The following CFAP210 variants were observed in gnomAD, a reference collection of about 807,000 sequenced individuals.
CFAP210 encodes the protein cilia- and flagella- associated protein 210.
chr2:169,678,341 C>CAAAAAAAAAAAAA, the CFAP210 span, among the ~76,000 whole-genome samples: 5 of 88,176 alleles, frequency 5.7e-5, no homozygotes, highest in African/African-American at 8.3e-5. Flanking sequence ...AACTCTGTTG[C>CAAAAAAAAAAAAA]AAAAAAAAAA....
the CFAP210 span, chr2:169,645,857 AGCCTT>A: frequency 1.2e-6 from 2 of 1,611,186 alleles, no homozygotes; most frequent in Non-Finnish European, 1.7e-6. Context: ...TGTAAAACCT[AGCCTT>A]CTCTTTGACT....
At chr2:169,656,322 AAGAAGG>A in the CFAP210 span, among the ~76,000 whole-genome samples, 10 of 151,370 alleles carry the variant, frequency 6.6e-5, no homozygotes, top group Non-Finnish European at 1.2e-4. Flanking sequence ...GAGGAAGAAG[AAGAAGG>A]AGGAGAAGGA....
chr2:169,658,216 G>A, the CFAP210 span: 1 of 152,300 alleles, frequency 6.6e-6, no homozygotes, highest in South Asian at 2.1e-4. Flanking sequence ...AGGTCAAAAT[G>A]TAAAATTAAA....
the CFAP210 span, among the ~76,000 whole-genome samples, chr2:169,659,467 CAGAG>C: frequency 2.6e-5 from 4 of 152,102 alleles, no homozygotes; most frequent in Non-Finnish European, 5.9e-5. Context: ...GATGGTAAGA[CAGAG>C]AGAGTGTGAA....
chr2:169,689,737 T>C, the CFAP210 span, among the ~76,000 whole-genome samples: 1 of 152,206 alleles, frequency 6.6e-6, no homozygotes, highest in Non-Finnish European at 1.5e-5. Flanking sequence ...GCTATGGGCT[T>C]TTCATAGGTC....
the CFAP210 span, chr2:169,659,271 A>T: frequency 6.6e-6 from 1 of 152,256 alleles, no homozygotes; most frequent in East Asian, 1.9e-4. Flanking sequence ...GAGTCTTATG[A>T]TACCTACTGT....
the CFAP210 span, among the ~76,000 whole-genome samples, chr2:169,693,788 A>G: frequency 8.5e-5 from 13 of 152,172 alleles, no homozygotes; most frequent in Non-Finnish European, 1.5e-4. Flanking sequence ...GGAAATGGAG[A>G]TATTTCCTTC....
At chr2:169,680,579 A>G in the CFAP210 span, among the ~76,000 whole-genome samples, 1 of 152,282 alleles carries the variant, frequency 6.6e-6, no homozygotes, top group Non-Finnish European at 1.5e-5. Context: ...ACAATGGAAT[A>G]CGATTCAGCA....
chr2:169,673,349 A>G, the CFAP210 span, among the ~76,000 whole-genome samples: 2 of 152,168 alleles, frequency 1.3e-5, no homozygotes. Context: ...AACAAAAGAG[A>G]TTTCTCAAAC....
chr2:169,688,924 A>G, the CFAP210 span, among the ~76,000 whole-genome samples: 1 of 152,198 alleles, frequency 6.6e-6, no homozygotes, highest in Non-Finnish European at 1.5e-5. Context: ...CCGTTTTCAC[A>G]CTGCTGATAA....
At chr2:169,657,743 TAAGA>T in the CFAP210 span, among the ~76,000 whole-genome samples, 2 of 151,240 alleles carry the variant, frequency 1.3e-5, no homozygotes, top group South Asian at 2.1e-4. Context: ...AAAAAAAAAA[TAAGA>T]AAGAAAAGTA....
At chr2:169,655,266 G>T in the CFAP210 span, among the ~76,000 whole-genome samples, 1 of 152,150 alleles carries the variant, frequency 6.6e-6, no homozygotes. Flanking sequence ...CAGAGTAGCT[G>T]GGGCTACAGG....
At chr2:169,679,614 G>T in the CFAP210 span, among the ~76,000 whole-genome samples, 1 of 146,866 alleles carries the variant, frequency 6.8e-6, no homozygotes, top group Admixed American at 7.0e-5. Flanking sequence ...CCTGGAGGTG[G>T]AGCTTGCAGT....
chr2:169,666,167 T>C, the CFAP210 span, among the ~76,000 whole-genome samples: 15 of 152,124 alleles, frequency 9.9e-5, no homozygotes, highest in Non-Finnish European at 2.1e-4. Context: ...TTTCTTTATT[T>C]TGGTGAACAG....
the CFAP210 span, among the ~76,000 whole-genome samples, chr2:169,669,711 C>G: frequency 6.7e-6 from 1 of 150,220 alleles, no homozygotes; most frequent in East Asian, 2.0e-4. Context: ...GGAGGCGGAG[C>G]TTGCAGTGAG....
At chr2:169,653,071 T>G in the CFAP210 span, among the ~76,000 whole-genome samples, 1 of 118,638 alleles carries the variant, frequency 8.4e-6, no homozygotes, top group East Asian at 2.3e-4. Context: ...TATATATGTA[T>G]GTGTGTATAT....
the CFAP210 span, among the ~76,000 whole-genome samples, chr2:169,668,671 AAGAG>A: frequency 6.6e-6 from 1 of 152,176 alleles, no homozygotes; most frequent in Admixed American, 6.5e-5. Flanking sequence ...GGCCCAAGGA[AAGAG>A]AGAGAGATAG....
chr2:169,678,686 A>G, the CFAP210 span, among the ~76,000 whole-genome samples: 13 of 151,912 alleles, frequency 8.6e-5, no homozygotes, highest in African/African-American at 3.1e-4. Flanking sequence ...TTAGCCGGGC[A>G]TGATGGTGCG....
the CFAP210 span, among the ~76,000 whole-genome samples, chr2:169,670,952 T>C: frequency 0.15 from 23,368 of 152,176 alleles, 1,896 homozygotes; most frequent in Non-Finnish European, 0.18. Context: ...CACCGCAAGG[T>C]AGCACTTGGT....
Sources: allele counts gnomAD v4.1 joint callset (sites outside exome capture counted in the v4.1 genomes callset), GRCh38; gene constraint gnomAD v4.1.1; transcripts MANE v1.5; gene names NCBI Gene and HGNC (gene_info 2026-07-23, HGNC 2026-07-21).